Variants in NEURL3 observed in about 807,000 individuals in gnomAD.
The protein encoded by NEURL3 is E3 ubiquitin-protein ligase NEURL3.
Under a neutral mutation model 17.6 loss-of-function variants are expected in NEURL3, and 19 were observed. The ratio of observed to expected loss-of-function variants is 1.08; its 90% CI spans 0.75 to 1.58. NEURL3 has a LOEUF of 1.58. NEURL3 is among the 40% of genes most tolerant of loss of function. The pLI is 0.00. For synonymous variants in NEURL3, 180 were observed against 161.4 expected, an observed-to-expected ratio of 1.11 and a Z score of -0.87; for missense variants, 342 against 379.6, an observed-to-expected ratio of 0.90 and a Z score of 0.82.
chr2:96,500,727 G>A lies in NEURL3; in HGVS notation c.226C>T (p.Leu76Phe). ...TCCAGGCGCGTGAAGCCCACGCGGA[G>A]GCCGCCGCACCAGCCGCTCTCCTCC... ...LREESGWCGGLRVGFTRLDPA... is the reference protein window; with the variant it reads ...LREESGWCGGFRVGFTRLDPA... Residue 76 changes from leucine to phenylalanine, a missense_variant, in exon 2 of 4, where the codon CTC becomes TTC. Leu to Phe is a conservative substitution (Grantham distance 22, BLOSUM62 0). Transcript: ENST00000451794. 1.3e-6 allele frequency: 2 copies of A among 1,516,762 alleles called. No homozygotes were observed. Among genetic ancestry groups the A allele is most frequent in the Non-Finnish European group, 1.8e-6 (2 of 1,138,660 alleles). The allele number at this position is 1,516,762 out of a possible 1,614,324, so 94.0% of individuals were successfully genotyped here.
rs1363384054 is a variant in NEURL3 at position 96,500,742 on chromosome 2, C to A, written c.211G>T (p.Gly71Cys). ...VALRVLREES[G>C]WCGGLRVGFT... ...CCCACGCGGAGGCCGCCGCACCAGC[C>A]GCTCTCCTCCCGCAGCACTCGCAGC... The change falls in exon 2 of 4, where the codon GGC becomes TGC. Residue 71 changes from glycine (G) to cysteine (C), a missense_variant. Physicochemically the swap from Gly to Cys is radical, Grantham distance 159. Transcript: ENST00000451794. The A allele has an allele frequency of 6.6e-7, 1 of 1,520,624 alleles. No homozygotes were observed. 94.2% of individuals were successfully genotyped at this position (1,520,624 alleles called of 1,614,324 possible). A position where few individuals can be genotyped will look rare whatever the true frequency, so the allele number is the denominator to read the frequency against.
At chr2:96,503,187 G>A (rs575118952) in intron 1 of NEURL3, among the ~76,000 whole-genome samples, 1 of 152,286 alleles carries the variant, frequency 6.6e-6, no homozygotes, top group African/African-American at 2.4e-5. Context: ...AGGCAGTCCA[G>A]GGAGGAGGGG....
upstream of NEURL3, chr2:96,505,381 T>C (rs2104617895): frequency 8.1e-7 from 1 of 1,238,094 alleles, no homozygotes. Context: ...CAGGTCTGCT[T>C]TTTATGGGCC....
At chr2:96,499,531 G>T in intron 2 of NEURL3, 82 bp from the exon 3 acceptor site, 4 of 1,275,266 alleles carry the variant, frequency 3.1e-6, no homozygotes, top group East Asian at 2.3e-5. Context: ...GCAGCAAAGT[G>T]TCCGGTCTCC....
intron 1 of NEURL3, 66 bp downstream of exon 1, chr2:96,505,193 G>A: frequency 7.0e-6 from 11 of 1,569,492 alleles, no homozygotes; most frequent in Non-Finnish European, 9.5e-6. Flanking sequence ...ATGACACAGA[G>A]CACCCTCTGC....
chr2:96,501,205 GTTTT>G (rs963858026), intron 1 of NEURL3, among the ~76,000 whole-genome samples: 1 of 152,120 alleles, frequency 6.6e-6, no homozygotes, highest in African/African-American at 2.4e-5. Flanking sequence ...GTTATACACG[GTTTT>G]TTTGTTTGTT....
upstream of NEURL3, among the ~76,000 whole-genome samples, chr2:96,507,092 C>T (rs543545321): frequency 7.9e-5 from 12 of 152,274 alleles, no homozygotes; most frequent in East Asian, 1.7e-3. Context: ...TCCCTTTGCC[C>T]GAATCCCCTG....
At chr2:96,499,267 C>G in intron 3 of NEURL3, 111 bp downstream of exon 3, 1 of 1,493,864 alleles carries the variant, frequency 6.7e-7, no homozygotes, top group Non-Finnish European at 8.9e-7. Flanking sequence ...AATCTTTTGG[C>G]CCAAAGCCTG....
intron 3 of NEURL3, 53 bp downstream of exon 3, chr2:96,499,325 A>G: frequency 6.3e-7 from 1 of 1,591,268 alleles, no homozygotes. Flanking sequence ...TTCTCCCTCC[A>G]CTCCCAGGTG....
rs558299502 is a variant in NEURL3, at chr2:96,503,118, G to A, written c.28+2141C>T. 2.6e-5 allele frequency among the ~76,000 whole-genome samples: 4 copies of A among 152,248 alleles called. No individual in the cohort carries two copies. The East Asian group carries it at 5.8e-4, about 22-fold the overall frequency. The stretch of plus-strand genomic sequence containing the variant: ...CTGGGGGCAAGGAGGGGTGGAGGAC[G>A]GCAGGTGACCTCACTCCTCCATCCA... On this transcript the variant is annotated intron_variant, in intron 1 of 3. Transcript: ENST00000451794.
intron 1 of NEURL3, among the ~76,000 whole-genome samples, chr2:96,503,398 A>G (rs2065529236): frequency 6.6e-6 from 1 of 152,162 alleles, no homozygotes; most frequent in Non-Finnish European, 1.5e-5. Context: ...TGCACAGGTC[A>G]TTCCGCAGCC....
upstream of NEURL3, chr2:96,505,448 A>G: frequency 3.0e-6 from 2 of 673,894 alleles, no homozygotes; most frequent in Non-Finnish European, 5.1e-6. Flanking sequence ...GTGTTACTAT[A>G]TCCAGGGGAT....
rs1227560068 is a variant in NEURL3 at position 96,500,591 on chromosome 2, T to A, written c.362A>T (p.Asp121Val). 3 of 1,532,456 alleles carry A rather than the reference T, an allele frequency of 2.0e-6. No homozygotes were observed. In the African/African-American group the frequency reaches 4.1e-5, roughly 21 times the overall value. 94.9% of individuals were successfully genotyped at this position (1,532,456 alleles called of 1,614,324 possible). The change falls in exon 2 of 4, where the codon GAC becomes GTC. Residue 121 changes from aspartate (D) to valine (V), a missense_variant. Coordinates refer to ENST00000451794, the MANE Select transcript of NEURL3 (RefSeq NM_001285485.2). Reference sequence around the variant, plus strand: ...GCGGTCCACCCAGAAGCGGACCAAGTCCCCAGTGAGCGCGCAGCCCTCAGG... The same window carrying A: ...GCGGTCCACCCAGAAGCGGACCAAGACCCCAGTGAGCGCGCAGCCCTCAGG... Reference protein sequence around the residue: ...VLPEGCALTGDLVRFWVDRRG... With the variant: ...VLPEGCALTGVLVRFWVDRRG...
At chr2:96,505,534 G>A (rs571002320), upstream of NEURL3, among the ~76,000 whole-genome samples, 1 of 152,342 alleles carries the variant, frequency 6.6e-6, no homozygotes, top group South Asian at 2.1e-4. Context: ...CAGGAATGGG[G>A]GTCTGGCCTG....
At chr2:96,503,165 C>G (rs969334020) in intron 1 of NEURL3, among the ~76,000 whole-genome samples, 2 of 152,178 alleles carry the variant, frequency 1.3e-5, no homozygotes, top group African/African-American at 4.8e-5. Flanking sequence ...GAGTAGGGAA[C>G]TGGCTGGCTG....
Position 96,497,853 on chromosome 2 carries a change from C to T in NEURL3, c.*391G>A, listed in dbSNP as rs2104600386. On this transcript the variant is annotated 3_prime_UTR_variant, in exon 4 of 4. Coordinates refer to ENST00000451794, the MANE Select transcript of NEURL3 (RefSeq NM_001285485.2). The stretch of plus-strand genomic sequence containing the variant: ...GAGGCAACCCAGCTTCCATGTGGAA[C>T]TTTATACATTCCTTGCAGATACCTC... The T allele has an allele frequency of 5.6e-6, 1 of 177,450 alleles. No homozygotes were observed. The highest frequency in any genetic ancestry group is 5.9e-5 in the Admixed American group (1 of 16,890). 11.0% of individuals were successfully genotyped at this position (177,450 alleles called of 1,614,324 possible).
At position 96,498,053 on chromosome 2, in the gene NEURL3, T is replaced by G; in HGVS notation, c.*191A>C. 1 of 605,322 alleles carries G rather than the reference T, an allele frequency of 1.7e-6. No homozygotes were observed. The highest frequency in any genetic ancestry group is 2.9e-6 in the Non-Finnish European group (1 of 348,536). 37.5% of individuals were successfully genotyped at this position (605,322 alleles called of 1,614,324 possible). On this transcript the variant is annotated 3_prime_UTR_variant, in exon 4 of 4. Transcript: ENST00000451794. This position sits in a 1 kb window ranked among gnomAD's most constrained non-coding sequence, Gnocchi z 4.4. ...ATGGACAGAAAGAGGGGTTTTTCCT[T>G]GCTATCCTGTTGGGGAACAGGTGGA...
chr2:96,503,071 C>A (rs1340086371), intron 1 of NEURL3, among the ~76,000 whole-genome samples: 1 of 152,172 alleles, frequency 6.6e-6, no homozygotes, highest in African/African-American at 2.4e-5. Flanking sequence ...GGGACAGAGG[C>A]TGGCTCCATG....
intron 1 of NEURL3, among the ~76,000 whole-genome samples, chr2:96,501,647 G>T (rs944519939): frequency 7.2e-5 from 11 of 152,086 alleles, no homozygotes; most frequent in Non-Finnish European, 1.2e-4. Context: ...CTCTGGCATG[G>T]GCTCTGAAAC....
Sources: allele counts gnomAD v4.1 joint callset (sites outside exome capture counted in the v4.1 genomes callset), GRCh38; gene constraint gnomAD v4.1.1; non-coding constraint Gnocchi (gnomAD v3.1); transcripts MANE v1.5; gene names NCBI Gene and HGNC (gene_info 2026-07-23, HGNC 2026-07-21).